Variants in PKHD1 observed in about 807,000 individuals in gnomAD.
The protein encoded by PKHD1 is PKHD1 ciliary IPT domain containing fibrocystin/polyductin.
A neutral mutation model predicts 412.0 loss-of-function variants in PKHD1; 291 were observed. The observed-to-expected ratio is 0.71, with a 90% CI of 0.64 to 0.78. The LOEUF is 0.78. PKHD1 is among the 30% of genes least tolerant of loss of function. The pLI, the probability that PKHD1 is intolerant of heterozygous loss-of-function variation, is 0.00. For missense variants in PKHD1, 4,825 were observed against 4,950.7 expected, an observed-to-expected ratio of 0.97 and a Z score of 0.76; for synonymous variants, 1,777 against 1,821.5, an observed-to-expected ratio of 0.98 and a Z score of 0.62.
At chr6:52,063,901 G>A (rs1359232823) in intron 13 of PKHD1, among the ~76,000 whole-genome samples, 1 of 152,228 alleles carries the variant, frequency 6.6e-6, no homozygotes, top group East Asian at 1.9e-4. Flanking sequence ...CTGCATTCAG[G>A]AAATTATCCT....
intron 21 of PKHD1, among the ~76,000 whole-genome samples, chr6:52,052,611 T>G (rs562234955): frequency 3.8e-4 from 58 of 152,262 alleles, no homozygotes; most frequent in African/African-American, 1.4e-3. Flanking sequence ...GTATGACATA[T>G]TAACTCATGG....
intron 43 of PKHD1, among the ~76,000 whole-genome samples, chr6:51,899,286 A>C (rs910208518): frequency 6.6e-6 from 1 of 151,764 alleles, no homozygotes; most frequent in Non-Finnish European, 1.5e-5. Context: ...TGGCAAAACG[A>C]ATCCAGCAGC....
At chr6:51,802,700 C>T (rs1326575) in intron 52 of PKHD1, among the ~76,000 whole-genome samples, 2 of 151,126 alleles carry the variant, frequency 1.3e-5, no homozygotes, top group African/African-American at 4.9e-5. Context: ...CACTCCTGAA[C>T]GGTGCTGTTT....
At chr6:51,770,724 C>A (rs916469977) in intron 55 of PKHD1, among the ~76,000 whole-genome samples, 2 of 150,866 alleles carry the variant, frequency 1.3e-5, no homozygotes, top group Admixed American at 6.6e-5. Flanking sequence ...ATTCAAAATT[C>A]TAGTAAAACA....
At chr6:52,072,600 G>A (rs1436552716) in intron 7 of PKHD1, among the ~76,000 whole-genome samples, 3 of 152,148 alleles carry the variant, frequency 2.0e-5, no homozygotes, top group African/African-American at 7.2e-5. Context: ...CACAAGAAGA[G>A]TAGTTTTCTT....
intron 19 of PKHD1, 25 bp from the exon 20 acceptor site, chr6:52,054,190 A>C (rs1354085678): frequency 6.2e-7 from 1 of 1,611,636 alleles, no homozygotes; most frequent in Admixed American, 1.7e-5. Flanking sequence ...TAAGTCCTTC[A>C]GTTCTATTAG....
At chr6:52,048,418 A>G in intron 23 of PKHD1, 74 bp downstream of exon 23, 1 of 1,390,844 alleles carries the variant, frequency 7.2e-7, no homozygotes, top group Non-Finnish European at 1.0e-6. Flanking sequence ...ACAACCTCCC[A>G]GGATGTTGTT....
intron 5 of PKHD1, 73 bp from the exon 6 acceptor site, chr6:52,076,406 C>G: frequency 9.3e-7 from 1 of 1,072,642 alleles, no homozygotes; most frequent in Non-Finnish European, 1.5e-6. Context: ...CAAGCCTTTC[C>G]TCAGACAGCA....
At position 52,025,433 on chromosome 6, in the gene PKHD1, C is replaced by A; in HGVS notation, c.4377G>T (p.Leu1459=). The part of the protein sequence containing the change: ...GDPLPGASFS[L]NVTVLVNGLT... ...GCCCATTGACCAGGACTGTGACGTTCAGGGAGAAGGAAGCTCCAGGCAAGG... is the reference window on the plus strand; with the variant it reads ...GCCCATTGACCAGGACTGTGACGTTAAGGGAGAAGGAAGCTCCAGGCAAGG... Residue 1459 remains leucine (L), a synonymous_variant, in exon 32 of 67, where the codon CTG becomes CTT. Transcript: ENST00000371117. 6.2e-7 allele frequency: 1 copy of A among 1,606,690 alleles called. No individual in the cohort carries two copies. The highest frequency in any genetic ancestry group is 1.1e-5 in the South Asian group (1 of 90,186).
chr6:51,943,284 C>T (rs1788861751), intron 36 of PKHD1, among the ~76,000 whole-genome samples: 3 of 151,356 alleles, frequency 2.0e-5, no homozygotes, highest in Admixed American at 6.6e-5. Flanking sequence ...GGCCTGAACT[C>T]GGAATGCTAC....
At chr6:51,801,401 A>C (rs1240081554) in intron 52 of PKHD1, among the ~76,000 whole-genome samples, 2 of 152,178 alleles carry the variant, frequency 1.3e-5, no homozygotes, top group African/African-American at 4.8e-5. Context: ...ATGTGCTAGA[A>C]GATAAGGATG....
intron 60 of PKHD1, among the ~76,000 whole-genome samples, chr6:51,695,447 AGAGGAAGAAGAG>A (rs931427877): frequency 2.0e-5 from 3 of 152,180 alleles, no homozygotes; most frequent in Non-Finnish European, 2.9e-5. Context: ...TAGGAGGAGA[AGAGGAAGAAGAG>A]GAGGAAGAAG....
intron 43 of PKHD1, among the ~76,000 whole-genome samples, chr6:51,900,920 C>T (rs1210223197): frequency 6.6e-6 from 1 of 152,210 alleles, no homozygotes; most frequent in Admixed American, 6.5e-5. Context: ...TAAAAAAATG[C>T]TCATCATCAC....
At chr6:51,825,630 T>C (rs1239765778) in intron 52 of PKHD1, among the ~76,000 whole-genome samples, 1 of 152,114 alleles carries the variant, frequency 6.6e-6, no homozygotes, top group African/African-American at 2.4e-5. Context: ...TATCTAACTA[T>C]AATGCATGGA....
In PKHD1 at chr6:52,062,868, T is replaced by C. The variant is rs62406038; in HGVS notation, c.977-208A>G. Among the ~76,000 whole-genome samples the C allele has an allele frequency of 0.067, 9,973 of 149,232 alleles. 363 individuals are homozygous for C. The highest frequency in any genetic ancestry group is 0.11 in the East Asian group (564 of 5,158). The stretch of plus-strand genomic sequence containing the variant: ...GGAAAGTAATAAACATTCCATGGGT[T>C]AGGAGTTAGCCTTTTTTAGCAAGAG... On this transcript the variant is annotated intron_variant, in intron 13 of 66. Coordinates refer to ENST00000371117, the MANE Select transcript of PKHD1 (RefSeq NM_138694.4).
intron 36 of PKHD1, among the ~76,000 whole-genome samples, chr6:51,944,206 C>T (rs9382053): frequency 0.37 from 55,577 of 151,510 alleles, 11,137 homozygotes; most frequent in East Asian, 0.76. Flanking sequence ...CATCCTGGCT[C>T]AAAAAGCTCC....
intron 43 of PKHD1, among the ~76,000 whole-genome samples, chr6:51,890,923 G>A (rs1008464972): frequency 1.3e-5 from 2 of 152,202 alleles, no homozygotes; most frequent in Admixed American, 6.5e-5. Context: ...AATGACAGAT[G>A]AAAAGACTGA....
At chr6:51,986,087 AT>A (rs1796180030) in intron 35 of PKHD1, among the ~76,000 whole-genome samples, 1 of 152,212 alleles carries the variant, frequency 6.6e-6, no homozygotes, top group South Asian at 2.1e-4. Flanking sequence ...AATAGGAATA[AT>A]TTTGCTATGG....
intron 50 of PKHD1, among the ~76,000 whole-genome samples, chr6:51,839,624 G>A (rs936290639): frequency 6.6e-6 from 1 of 152,098 alleles, no homozygotes; most frequent in Non-Finnish European, 1.5e-5. Flanking sequence ...AAGGCTCTAG[G>A]AAACAGAAAA....
Sources: allele counts gnomAD v4.1 joint callset (sites outside exome capture counted in the v4.1 genomes callset), GRCh38; gene constraint gnomAD v4.1.1; transcripts MANE v1.5; gene names NCBI Gene and HGNC (gene_info 2026-07-23, HGNC 2026-07-21).